The following SCFD2 variants were observed in gnomAD, a reference collection of about 807,000 sequenced individuals.
The protein encoded by SCFD2 is sec1 family domain containing 2.
A neutral mutation model predicts 58.9 loss-of-function variants in SCFD2; 54 were observed. The observed-to-expected ratio is 0.92, with a 90% CI of 0.74 to 1.15. SCFD2 has a LOEUF of 1.15. SCFD2 is among the 50% of genes most tolerant of loss of function. The probability of loss-of-function intolerance (pLI) is 0.00; values close to 1 mark genes in which losing one functional copy is unlikely to be tolerated. For synonymous variants in SCFD2, 321 were observed against 335.9 expected, an observed-to-expected ratio of 0.96 and a Z score of 0.49; for missense variants, 805 against 836.6, an observed-to-expected ratio of 0.96 and a Z score of 0.47.
intron 2 of SCFD2, among the ~76,000 whole-genome samples, chr4:53,346,818 C>T (rs1157014873): frequency 6.6e-6 from 1 of 152,130 alleles, no homozygotes; most frequent in Non-Finnish European, 1.5e-5. Flanking sequence ...TGTAGAGGTT[C>T]CAAAGTAAGA....
intron 4 of SCFD2, among the ~76,000 whole-genome samples, chr4:53,259,802 T>C (rs1386134205): frequency 1.3e-5 from 2 of 152,182 alleles, no homozygotes; most frequent in Non-Finnish European, 2.9e-5. Flanking sequence ...GTAAACTGCT[T>C]TTGGCAGTAT....
chr4:53,021,849 C>T (rs1722356896), intron 5 of SCFD2, among the ~76,000 whole-genome samples: 1 of 152,148 alleles, frequency 6.6e-6, no homozygotes, highest in South Asian at 2.1e-4. Flanking sequence ...TCTTCTGTAG[C>T]ATCCCTAACC....
At chr4:53,138,287 C>G (rs1339603174) in intron 5 of SCFD2, among the ~76,000 whole-genome samples, 7 of 152,232 alleles carry the variant, frequency 4.6e-5, no homozygotes, top group African/African-American at 1.4e-4. Flanking sequence ...TGCTGAAAGA[C>G]AGCAGAGCCC....
chr4:52,992,834 G>A (rs566425704), intron 5 of SCFD2, among the ~76,000 whole-genome samples: 3 of 151,130 alleles, frequency 2.0e-5, no homozygotes, highest in Non-Finnish European at 3.0e-5. Context: ...GCCTCTGCCC[G>A]GCTGCCCCGT....
At position 52,990,189 on chromosome 4, in the gene SCFD2, G is replaced by T. The variant is rs148584901; in HGVS notation, c.1562-69319C>A. Among the ~76,000 whole-genome samples, 644 of 152,348 alleles carry T rather than the reference G, an allele frequency of 4.2e-3. 3 individuals carry two copies. Among genetic ancestry groups the T allele is most frequent in the African/African-American group, 0.015 (617 of 41,576 alleles). On this transcript the variant is annotated intron_variant, in intron 5 of 8. Transcript: ENST00000401642. ...CTCACATGATTCAGTGGCTTCTGAA[G>T]AATGAGCTGGTGATAAGAAGAAAGC... is the stretch of plus-strand genomic sequence containing the variant.
At chr4:53,301,145 A>G (rs940961145) in intron 3 of SCFD2, among the ~76,000 whole-genome samples, 1 of 152,206 alleles carries the variant, frequency 6.6e-6, no homozygotes, top group Non-Finnish European at 1.5e-5. Flanking sequence ...CCTTCAAAAA[A>G]TCAATAAATC....
chr4:52,972,746 A>G (rs1279304807), intron 5 of SCFD2, among the ~76,000 whole-genome samples: 3 of 152,182 alleles, frequency 2.0e-5, no homozygotes, highest in Non-Finnish European at 4.4e-5. Context: ...ACCTATTCCA[A>G]AATTGACCAC....
Position 53,255,909 on chromosome 4 carries a change from G to A in SCFD2, c.1311+17917C>T, listed in dbSNP as rs1295651910. 2.9e-5 allele frequency among the ~76,000 whole-genome samples: 4 copies of A among 139,826 alleles called. 1 individual carries two copies. The highest frequency in any genetic ancestry group is 6.8e-5 in the Admixed American group (1 of 14,800). The allele number at this position is 139,826 out of a possible 152,430, so 91.7% of individuals were successfully genotyped here. On this transcript the variant is annotated intron_variant, in intron 4 of 8. Transcript: ENST00000401642. ...CAGAGGGGCTCCTCACTTCCCAGTA[G>A]GGGCGGCCGGGCAGAGGCGCCCCTC... is the stretch of plus-strand genomic sequence containing the variant.
intron 2 of SCFD2, among the ~76,000 whole-genome samples, chr4:53,333,188 G>A (rs76466749): frequency 3.6e-5 from 5 of 139,520 alleles, no homozygotes; most frequent in Non-Finnish European, 6.2e-5. Context: ...GTAATTTACA[G>A]ATTCAATGCC....
intron 5 of SCFD2, among the ~76,000 whole-genome samples, chr4:53,031,242 C>T (rs1230959197): frequency 6.6e-6 from 1 of 152,166 alleles, no homozygotes; most frequent in East Asian, 1.9e-4. Context: ...CACTCAAAGA[C>T]CCCATCTGAA....
intron 2 of SCFD2, among the ~76,000 whole-genome samples, chr4:53,341,555 T>C (rs1733875632): frequency 6.6e-6 from 1 of 152,138 alleles, no homozygotes; most frequent in Admixed American, 6.6e-5. Context: ...CCAGGAAAAC[T>C]TCCCCAACCT....
intron 5 of SCFD2, among the ~76,000 whole-genome samples, chr4:53,139,296 C>T (rs1726041841): frequency 1.3e-5 from 2 of 152,128 alleles, no homozygotes; most frequent in South Asian, 4.1e-4. Flanking sequence ...GCCACCCCGC[C>T]CCACAAGAAG....
chr4:53,005,465 A>G lies in SCFD2; in HGVS notation c.1562-84595T>C, dbSNP rs1257188153. On this transcript the variant is annotated intron_variant, in intron 5 of 8. Coordinates refer to ENST00000401642, the MANE Select transcript of SCFD2 (RefSeq NM_152540.4). ...CACCCTCAACCACTTCCACTTTTTC[A>G]TAAGGAGAAGTTTGTGAGGTTTCCC... Among the ~76,000 whole-genome samples, 6 of 152,274 alleles carry G rather than the reference A, an allele frequency of 3.9e-5. No homozygotes were observed. The South Asian group carries it at 1.2e-3, about 32-fold the overall frequency.
intron 4 of SCFD2, among the ~76,000 whole-genome samples, chr4:53,255,691 C>T (rs576775290): frequency 3.3e-4 from 51 of 152,338 alleles, no homozygotes; most frequent in Admixed American, 1.5e-3. Flanking sequence ...ACAAAACCTC[C>T]ATTGTCATCA....
chr4:53,058,772 G>C (rs904474499), intron 5 of SCFD2, among the ~76,000 whole-genome samples: 1 of 152,076 alleles, frequency 6.6e-6, no homozygotes, highest in East Asian at 1.9e-4. Flanking sequence ...GATAAGTGTG[G>C]AAGACTGAAT....
chr4:53,048,946 CAAAT>C (rs893658211), intron 5 of SCFD2, among the ~76,000 whole-genome samples: 2 of 151,804 alleles, frequency 1.3e-5, no homozygotes, highest in Admixed American at 6.6e-5. Flanking sequence ...GACCTAGTCT[CAAAT>C]AAATAAATAA....
intron 4 of SCFD2, among the ~76,000 whole-genome samples, chr4:53,268,078 G>A (rs1731045248): frequency 6.6e-6 from 1 of 152,100 alleles, no homozygotes; most frequent in African/African-American, 2.4e-5. Context: ...AGGAATGAAG[G>A]AGGGCACAAT....
chr4:52,996,295 G>A (rs538274014), intron 5 of SCFD2, among the ~76,000 whole-genome samples: 7 of 152,048 alleles, frequency 4.6e-5, no homozygotes, highest in Admixed American at 2.6e-4. Context: ...AGGTCTTGGC[G>A]ACTGTAATGT....
chr4:53,253,035 T>A (rs868376162), intron 4 of SCFD2, among the ~76,000 whole-genome samples: 9 of 151,968 alleles, frequency 5.9e-5, no homozygotes, highest in Admixed American at 1.3e-4. Context: ...CTCAAACACA[T>A]TTACAAGAAA....
Sources: gnomAD v4.1 joint callset for allele counts (sites outside exome capture counted in the v4.1 genomes callset) on GRCh38, gnomAD v4.1.1 for gene constraint, MANE v1.5 for transcripts, NCBI Gene and HGNC (gene_info 2026-07-23, HGNC 2026-07-21) for gene names.